The following SAMD5 variants were observed in gnomAD, a reference collection of about 807,000 sequenced individuals.
SAMD5 encodes sterile alpha motif domain-containing protein 5.
SAMD5 carries 13 observed loss-of-function variants against 11.3 expected under a neutral mutation model. That is an observed-to-expected ratio of 1.15 (90% CI 0.75 to 1.83). SAMD5 has a LOEUF of 1.83. SAMD5 is among the 40% of genes most tolerant of loss of function. The probability of loss-of-function intolerance (pLI) is 0.00; values close to 1 mark genes in which losing one functional copy is unlikely to be tolerated. For missense variants in SAMD5, 255 were observed against 239.1 expected, an observed-to-expected ratio of 1.07 and a Z score of -0.44; for synonymous variants, 129 against 111.3, an observed-to-expected ratio of 1.16 and a Z score of -1.00.
intron 1 of SAMD5, among the ~76,000 whole-genome samples, chr6:147,527,542 G>C (rs754308279): frequency 7.2e-5 from 11 of 151,784 alleles, no homozygotes; most frequent in Non-Finnish European, 1.2e-4. Flanking sequence ...CATGAGATTT[G>C]GGTGGGTACG....
chr6:147,916,661 T>C, the SAMD5 span, among the ~76,000 whole-genome samples: 2 of 151,508 alleles, frequency 1.3e-5, no homozygotes, highest in African/African-American at 4.9e-5. Flanking sequence ...ACCCATTAAC[T>C]CGTCATTTAG....
the SAMD5 span, among the ~76,000 whole-genome samples, chr6:147,839,310 T>A: frequency 6.6e-6 from 1 of 152,176 alleles, no homozygotes; most frequent in Admixed American, 6.5e-5. Flanking sequence ...CTCTGCAGAG[T>A]CCTGTTACTG....
chr6:147,942,620 T>C, the SAMD5 span, among the ~76,000 whole-genome samples: 1 of 152,198 alleles, frequency 6.6e-6, no homozygotes, highest in Non-Finnish European at 1.5e-5. Context: ...GATACTGATC[T>C]GTTCATCCTT....
chr6:147,700,626 C>G (rs527455226), intron 1 of SAMD5, among the ~76,000 whole-genome samples: 1 of 152,350 alleles, frequency 6.6e-6, no homozygotes, highest in East Asian at 1.9e-4. Flanking sequence ...ACATCTGGCC[C>G]TGAATGATCA....
In SAMD5 at chr6:147,646,971, C is replaced by A. The variant is rs563505593; in HGVS notation, c.163-90346C>A. ...TGGCCAACATGGTGAAACCTCATCT[C>A]TAATAATAATAATAATAATAATAAT... On this transcript the variant is annotated intron_variant, in intron 1 of 1. Coordinates refer to the SAMD5 transcript ENST00000566741. Among the ~76,000 whole-genome samples, 177 of 138,084 alleles carry A rather than the reference C, an allele frequency of 1.3e-3. 1 individual carries two copies. Among genetic ancestry groups the A allele is most frequent in the Middle Eastern group, 3.8e-3 (1 of 264 alleles). 90.6% of individuals were successfully genotyped at this position (138,084 alleles called of 152,430 possible).
chr6:147,849,563 G>C, the SAMD5 span, among the ~76,000 whole-genome samples: 1 of 152,044 alleles, frequency 6.6e-6, no homozygotes, highest in Non-Finnish European at 1.5e-5. Flanking sequence ...CTTAATGGAC[G>C]CTCAGCATTA....
rs544074511 is a variant in SAMD5, at chr6:147,569,906, G to A, written c.*5450G>A. 126 of 985,036 alleles carry A rather than the reference G, an allele frequency of 1.3e-4. No individual in the cohort carries two copies. In the African/African-American group the frequency reaches 2.0e-3, roughly 15 times the overall value. 61.0% of individuals were successfully genotyped at this position (985,036 alleles called of 1,614,324 possible). ...TTTTTTTTAAAGGACGTTATGAGAA[G>A]GCACTATGAAAAGCCTAATTGGAAT... is the stretch of plus-strand genomic sequence containing the variant. On this transcript the variant is annotated 3_prime_UTR_variant, in exon 2 of 2. Coordinates refer to ENST00000367474, the MANE Select transcript of SAMD5 (RefSeq NM_001030060.3).
intron 1 of SAMD5, among the ~76,000 whole-genome samples, chr6:147,522,210 A>C (rs1788265731): frequency 6.6e-6 from 1 of 152,136 alleles, no homozygotes; most frequent in Admixed American, 6.6e-5. Context: ...CATTGGCTAG[A>C]ATTTATATAG....
chr6:147,840,402 C>A, the SAMD5 span, among the ~76,000 whole-genome samples: 1 of 152,168 alleles, frequency 6.6e-6, no homozygotes, highest in Admixed American at 6.5e-5. Context: ...CTATTCTGGG[C>A]AGAGGTTCAA....
At chr6:147,680,247 G>C (rs527378269) in intron 1 of SAMD5, among the ~76,000 whole-genome samples, 2,091 of 151,978 alleles carry the variant, frequency 0.014, 47 homozygotes, top group African/African-American at 0.048. Context: ...TGCAGGTCTT[G>C]CTTATTTTTT....
Position 147,683,469 on chromosome 6 carries a change from A to T in SAMD5, c.163-53848A>T, listed in dbSNP as rs372828688. Among the ~76,000 whole-genome samples the T allele has an allele frequency of 1.6e-4, 25 of 152,358 alleles. No individual in the cohort carries two copies. In the South Asian group the frequency reaches 2.5e-3, roughly 15 times the overall value. On this transcript the variant is annotated intron_variant, in intron 1 of 1. Transcript: ENST00000566741. ...ATGTATCTATTCATTTGAAAATAAC[A>T]AATATATTACATGGGTATTTTTTTA...
rs1354418814 is a variant in SAMD5, at chr6:147,509,177, C to G, written c.249C>G (p.Pro83=). The G allele has an allele frequency of 1.2e-5, 15 of 1,300,846 alleles. No homozygotes were observed. Among genetic ancestry groups the G allele is most frequent in the Non-Finnish European group, 1.4e-5 (14 of 1,027,476 alleles). The allele number at this position is 1,300,846 out of a possible 1,614,324, so 80.6% of individuals were successfully genotyped here. Residue 83 remains proline (P), a synonymous_variant, in exon 1 of 2, where the codon CCC becomes CCG. Transcript: ENST00000367474. The stretch of plus-strand genomic sequence containing the variant: ...CGCTTGAGCCGCAGCCGGCGCCCCC[C>G]GGGCCGCCCGCCGACGCCGTCCCCA... ...YFTLEPQPAP[P]GPPADAVPTG...
At chr6:147,667,287 C>G (rs535278319) in intron 1 of SAMD5, among the ~76,000 whole-genome samples, 14 of 151,962 alleles carry the variant, frequency 9.2e-5, no homozygotes, top group African/African-American at 3.1e-4. Context: ...GAATCGTCAG[C>G]ATCTTTTTTT....
the SAMD5 span, among the ~76,000 whole-genome samples, chr6:147,762,008 TG>T: frequency 6.6e-6 from 1 of 152,094 alleles, no homozygotes; most frequent in Non-Finnish European, 1.5e-5. Flanking sequence ...CCACCACGCC[TG>T]GCCTTTTTTT....
chr6:147,655,879 A>G (rs992605405), intron 1 of SAMD5, among the ~76,000 whole-genome samples: 5 of 152,214 alleles, frequency 3.3e-5, no homozygotes, highest in Non-Finnish European at 7.3e-5. Context: ...AGCATTAGAT[A>G]AAAGAAAGAA....
chr6:147,652,373 C>A (rs1473297720), intron 1 of SAMD5, among the ~76,000 whole-genome samples: 3 of 152,142 alleles, frequency 2.0e-5, no homozygotes, highest in African/African-American at 7.2e-5. Flanking sequence ...TTTCTCCTCT[C>A]AACCTAGCAA....
intron 1 of SAMD5, among the ~76,000 whole-genome samples, chr6:147,596,205 G>A (rs1301889068): frequency 2.6e-5 from 4 of 152,112 alleles, no homozygotes; most frequent in Admixed American, 6.5e-5. Flanking sequence ...AGGATTCTGT[G>A]TTTGTTGATT....
At chr6:147,895,539 A>G in the SAMD5 span, among the ~76,000 whole-genome samples, 106 of 152,306 alleles carry the variant, frequency 7.0e-4, no homozygotes, top group Non-Finnish European at 1.2e-3. Context: ...TGAGCCCAAG[A>G]TAGAGCATCG....
chr6:147,690,970 T>G (rs1206931422), intron 1 of SAMD5, among the ~76,000 whole-genome samples: 2 of 150,188 alleles, frequency 1.3e-5, no homozygotes, highest in Non-Finnish European at 3.0e-5. Flanking sequence ...CTCTCGGGTT[T>G]TTTTTTTTTT....
Sources: gnomAD v4.1 joint callset for allele counts (sites outside exome capture counted in the v4.1 genomes callset) on GRCh38, gnomAD v4.1.1 for gene constraint, MANE v1.5 for transcripts, NCBI Gene and HGNC (gene_info 2026-07-23, HGNC 2026-07-21) for gene names.